The following MTA3 variants were observed in gnomAD, a reference collection of about 807,000 sequenced individuals.
The protein encoded by MTA3 is metastasis associated 1 family member 3.
Under a neutral mutation model 83.5 loss-of-function variants are expected in MTA3, and 34 were observed. The ratio of observed to expected loss-of-function variants is 0.41; its 90% CI spans 0.31 to 0.54. The LOEUF is 0.54. Among genes scored for constraint, MTA3 ranks in the 20% least tolerant of loss-of-function variants. The pLI is 0.33. For missense variants in MTA3, 761 were observed against 726.4 expected, an observed-to-expected ratio of 1.05 and a Z score of -0.55; for synonymous variants, 303 against 252.7, an observed-to-expected ratio of 1.20 and a Z score of -1.89.
chr2:42,518,382 A>G (rs1275383162), intron 2 of MTA3, among the ~76,000 whole-genome samples: 3 of 152,188 alleles, frequency 2.0e-5, no homozygotes, highest in Non-Finnish European at 4.4e-5. Context: ...AAACAGACAA[A>G]CAAATAAAAC....
chr2:42,551,298 C>A (rs770954317), intron 2 of MTA3, among the ~76,000 whole-genome samples: 1 of 151,992 alleles, frequency 6.6e-6, no homozygotes, highest in Admixed American at 6.6e-5. Context: ...TCAAACAATT[C>A]TCCTGTTTCA....
intron 3 of MTA3, among the ~76,000 whole-genome samples, chr2:42,593,306 G>A (rs1028578452): frequency 2.0e-5 from 3 of 151,144 alleles, no homozygotes; most frequent in East Asian, 1.9e-4. Context: ...GACCAACATC[G>A]TGCTACTGCA....
chr2:42,509,298 C>G (rs1674789626), intron 2 of MTA3, among the ~76,000 whole-genome samples: 2 of 152,168 alleles, frequency 1.3e-5, no homozygotes, highest in African/African-American at 4.8e-5. Flanking sequence ...TTGCCTCGGC[C>G]TCCCAGAGTG....
Position 42,503,788 on chromosome 2 carries a change from T to C in MTA3, c.-141+8534T>C, listed in dbSNP as rs72986093. ...TGCTCAGGAGGCAGATGCAAGAGCA[T>C]CCCTTTGGCCCAGGAGTTCGAGACC... On this transcript the variant is annotated intron_variant, in intron 2 of 17. Coordinates refer to the MTA3 transcript ENST00000405592. 2.5e-3 allele frequency among the ~76,000 whole-genome samples: 384 copies of C among 152,110 alleles called. 3 individuals carry two copies. The highest frequency in any genetic ancestry group is 8.8e-3 in the African/African-American group (364 of 41,476).
At chr2:42,732,248 A>G (rs996905260) in intron 16 of MTA3, among the ~76,000 whole-genome samples, 6 of 152,346 alleles carry the variant, frequency 3.9e-5, no homozygotes, top group Admixed American at 3.9e-4. Flanking sequence ...CTGGGCATCC[A>G]GGCATTTCCA....
Position 42,708,184 on chromosome 2 carries a change from A to G in MTA3, c.1302+130A>G, listed in dbSNP as rs946927491. 1.6e-5 allele frequency: 15 copies of G among 920,540 alleles called. No homozygotes were observed. In the African/African-American group the frequency reaches 2.4e-4, roughly 14 times the overall value. 57.0% of individuals were successfully genotyped at this position (920,540 alleles called of 1,614,324 possible). ...TACCTTTATAGCTAAACGTAGCACT[A>G]CAATATTCAGGGTAGGTGTGGAGAG... On this transcript the variant is annotated intron_variant, in intron 13 of 16. Transcript: ENST00000405094.
chr2:42,510,514 C>A (rs1229826947), intron 2 of MTA3, among the ~76,000 whole-genome samples: 1 of 152,066 alleles, frequency 6.6e-6, no homozygotes. Context: ...AGACCAGGAC[C>A]TACAAGGAGG....
chr2:42,718,598 A>G (rs1210424574), intron 14 of MTA3, among the ~76,000 whole-genome samples: 1 of 151,758 alleles, frequency 6.6e-6, no homozygotes, highest in East Asian at 2.0e-4. Context: ...CCCCATCTCT[A>G]CTAAAAACAC....
At chr2:42,742,800 T>A (rs1669128480) in intron 16 of MTA3, among the ~76,000 whole-genome samples, 1 of 152,224 alleles carries the variant, frequency 6.6e-6, no homozygotes, top group African/African-American at 2.4e-5. Flanking sequence ...GAACTGTACA[T>A]AAATAATATT....
chr2:42,744,132 C>A (rs552973436), intron 16 of MTA3, among the ~76,000 whole-genome samples: 11 of 152,082 alleles, frequency 7.2e-5, no homozygotes, highest in African/African-American at 2.4e-4. Flanking sequence ...AGCAATATAG[C>A]GGAGTACCTT....
At chr2:42,737,821 A>G (rs1319748161) in intron 16 of MTA3, among the ~76,000 whole-genome samples, 1 of 152,230 alleles carries the variant, frequency 6.6e-6, no homozygotes, top group East Asian at 1.9e-4. Flanking sequence ...TTTTCCACCG[A>G]ATGAATACAG....
At chr2:42,656,975 TC>T (rs1233592829) in intron 7 of MTA3, among the ~76,000 whole-genome samples, 1 of 152,234 alleles carries the variant, frequency 6.6e-6, no homozygotes, top group African/African-American at 2.4e-5. Flanking sequence ...TACCATGTGA[TC>T]ATTTATGTGT....
At chr2:42,586,530 GAA>G (rs145529108) in intron 3 of MTA3, among the ~76,000 whole-genome samples, 3 of 58,834 alleles carry the variant, frequency 5.1e-5, no homozygotes, top group Non-Finnish European at 1.0e-4. Flanking sequence ...ACAAAGGAAG[GAA>G]AAACACACAC....
intron 2 of MTA3, among the ~76,000 whole-genome samples, chr2:42,571,560 G>T (rs770405624): frequency 2.0e-5 from 3 of 152,112 alleles, no homozygotes; most frequent in Non-Finnish European, 4.4e-5. Context: ...CCCTTTTTAT[G>T]TTTAGAGTCA....
At chr2:42,711,161 T>A (rs1666578270) in intron 14 of MTA3, among the ~76,000 whole-genome samples, 1 of 152,184 alleles carries the variant, frequency 6.6e-6, no homozygotes, top group African/African-American at 2.4e-5. Context: ...TTGGTGGGGA[T>A]CCAGTATCAT....
chr2:42,595,206 T>A (rs1381447840), intron 3 of MTA3, among the ~76,000 whole-genome samples: 2 of 140,240 alleles, frequency 1.4e-5, no homozygotes, highest in Non-Finnish European at 3.0e-5. Flanking sequence ...ACTTCCCAGG[T>A]TCACGCCATT....
chr2:42,524,827 CAAAAAAAA>C (rs59653736), intron 2 of MTA3, among the ~76,000 whole-genome samples: 4 of 126,454 alleles, frequency 3.2e-5, no homozygotes, highest in East Asian at 2.4e-4. Context: ...ATCTAGCATC[CAAAAAAAA>C]AAAAAGAAAA....
At position 42,725,224 on chromosome 2, in the gene MTA3, G is replaced by A. The variant is rs193010514; in HGVS notation, c.1759+2189G>A. On this transcript the variant is annotated intron_variant, in intron 16 of 16. Transcript: ENST00000405094. The stretch of plus-strand genomic sequence containing the variant: ...TTAGCACAGTACTTGGCATGTAGTA[G>A]GTACTCAATATATATTAGTTGTATA... Among the ~76,000 whole-genome samples the A allele has an allele frequency of 4.1e-4, 62 of 152,256 alleles. 1 individual carries two copies. The East Asian group carries it at 0.011, about 28-fold the overall frequency.
At chr2:42,590,397 A>G (rs1006270245) in intron 3 of MTA3, among the ~76,000 whole-genome samples, 8 of 152,130 alleles carry the variant, frequency 5.3e-5, no homozygotes, top group African/African-American at 1.7e-4. Context: ...CTTTCTTGCC[A>G]TGTGATCGCT....
Sources: gnomAD v4.1 joint callset for allele counts (sites outside exome capture counted in the v4.1 genomes callset) on GRCh38, gnomAD v4.1.1 for gene constraint, MANE v1.5 for transcripts, NCBI Gene and HGNC (gene_info 2026-07-23, HGNC 2026-07-21) for gene names.